Variants in ACTR3B observed in about 807,000 individuals in gnomAD.
ACTR3B encodes actin related protein 3B, also known as actin-related protein 3B.
Under a neutral mutation model 59.0 loss-of-function variants are expected in ACTR3B, and 8 were observed. The observed-to-expected ratio is 0.14, with a 90% CI of 0.08 to 0.24. ACTR3B has a LOEUF of 0.24. Ranked by LOEUF, ACTR3B falls within the 10% of genes least tolerant of loss-of-function variation. ACTR3B has a pLI of 1.00. For missense variants in ACTR3B, 245 were observed against 552.3 expected, an observed-to-expected ratio of 0.44 and a Z score of 5.58; for synonymous variants, 148 against 197.9, an observed-to-expected ratio of 0.75 and a Z score of 2.12.
chr7:152,816,517 C>G lies in ACTR3B; in HGVS notation c.469C>G (p.Gln157Glu). 1.2e-6 allele frequency: 2 copies of G among 1,605,842 alleles called. No individual in the cohort carries two copies. The highest frequency in any genetic ancestry group is 2.2e-5 in the South Asian group (2 of 89,258). ...LALAASWTSR[Q>E]VGERTLTGIV... ...CTTGGCGGCATCTTGGACATCTCGA[C>G]AAGTGGGTGAACGTACGTTAACGGG... Residue 157 changes from glutamine (Q) to glutamate (E), a missense_variant, in exon 6 of 12, where the codon CAA becomes GAA. By Grantham distance (29) the Gln-to-Glu change is conservative (BLOSUM62 2). Coordinates refer to ENST00000256001, the MANE Select transcript of ACTR3B (RefSeq NM_020445.6).
chr7:152,812,200 T>G (rs1795318653), intron 4 of ACTR3B: 1 of 95,772 alleles, frequency 1.0e-5, no homozygotes, highest in African/African-American at 2.9e-5. Flanking sequence ...CTGGCTAATT[T>G]TTGTATTTTT....
intron 2 of ACTR3B, among the ~76,000 whole-genome samples, chr7:152,796,883 T>G (rs1178160020): frequency 0.017 from 2,099 of 123,064 alleles, 58 homozygotes; most frequent in African/African-American, 0.04. Flanking sequence ...TTTTTTTTTT[T>G]TTTTTTTTTT....
At chr7:152,776,940 A>G (rs1016527580) in intron 1 of ACTR3B, among the ~76,000 whole-genome samples, 1 of 152,228 alleles carries the variant, frequency 6.6e-6, no homozygotes, top group African/African-American at 2.4e-5. Context: ...TGGATGTAAT[A>G]TAATTTATTT....
At chr7:152,774,439 ATT>A (rs11351793) in intron 1 of ACTR3B, among the ~76,000 whole-genome samples, 10 of 148,712 alleles carry the variant, frequency 6.7e-5, no homozygotes, top group Non-Finnish European at 8.9e-5. Context: ...CCTGGCCTAC[ATT>A]TTTTTTTTTT....
intron 1 of ACTR3B, among the ~76,000 whole-genome samples, chr7:152,777,541 A>G: frequency 6.6e-6 from 1 of 152,216 alleles, no homozygotes. Context: ...ATTGTTAGAC[A>G]GGGTAGTTGT....
chr7:152,808,817 C>G (rs576883041), intron 4 of ACTR3B, among the ~76,000 whole-genome samples: 1 of 152,190 alleles, frequency 6.6e-6, no homozygotes, highest in Non-Finnish European at 1.5e-5. Flanking sequence ...TTGAGTACTT[C>G]TATGTGCCCA....
chr7:152,791,848 C>T (rs2098197505), intron 2 of ACTR3B, among the ~76,000 whole-genome samples: 6 of 152,300 alleles, frequency 3.9e-5, no homozygotes, highest in Admixed American at 2.6e-4. Context: ...GACAGTAGTA[C>T]ATCATACACT....
rs568345616 is a variant in ACTR3B, at chr7:152,854,411, T to C, written c.1162-47T>C. 1 of 1,574,692 alleles carries C rather than the reference T, an allele frequency of 6.4e-7. No homozygotes were observed. Among genetic ancestry groups the C allele is most frequent in the Non-Finnish European group, 8.7e-7 (1 of 1,144,418 alleles). ...CTGCTTGGTAGCTGGTTCCCTTGAC[T>C]TTCTTCTGAAATGAGTGTCTTTCTG... is the stretch of plus-strand genomic sequence containing the variant. On this transcript the variant is annotated intron_variant, in intron 11 of 11. Coordinates refer to ENST00000256001, the MANE Select transcript of ACTR3B (RefSeq NM_020445.6). This position sits in a 1 kb window ranked among gnomAD's most constrained non-coding sequence, Gnocchi z 4.9.
At chr7:152,848,243 C>A (rs1563157800) in intron 9 of ACTR3B, among the ~76,000 whole-genome samples, 1 of 152,186 alleles carries the variant, frequency 6.6e-6, no homozygotes, top group Non-Finnish European at 1.5e-5. Flanking sequence ...GGGAACCTGG[C>A]CCTGTGGCCC....
chr7:152,841,918 A>G (rs1220490578), intron 9 of ACTR3B, among the ~76,000 whole-genome samples: 1 of 152,238 alleles, frequency 6.6e-6, no homozygotes, highest in Non-Finnish European at 1.5e-5. Context: ...GTAGAGTCAA[A>G]TGAACCATTT....
At chr7:152,810,231 C>T (rs1338062273) in intron 4 of ACTR3B, among the ~76,000 whole-genome samples, 1 of 151,954 alleles carries the variant, frequency 6.6e-6, no homozygotes. Flanking sequence ...CTCAGCCACC[C>T]GACTGGCTGG....
rs1036900070 is a variant in ACTR3B, at chr7:152,839,081, C to T, written c.952-13045C>T. Among the ~76,000 whole-genome samples, 10 of 150,904 alleles carry T rather than the reference C, an allele frequency of 6.6e-5. 1 individual carries two copies. The highest frequency in any genetic ancestry group is 1.3e-4 in the Admixed American group (2 of 15,160). On this transcript the variant is annotated intron_variant, in intron 9 of 11. Transcript: ENST00000256001. The stretch of plus-strand genomic sequence containing the variant: ...TTGGGACATGTGATGGGCAGCTAGA[C>T]GGTGAGCAGTGCCAAGGAAAGAGAG...
At chr7:152,821,750 G>C (rs1356302207) in intron 7 of ACTR3B, among the ~76,000 whole-genome samples, 1 of 152,216 alleles carries the variant, frequency 6.6e-6, no homozygotes, top group Non-Finnish European at 1.5e-5. Context: ...AGCTGCCCTG[G>C]CCCTGCTGTG....
chr7:152,797,374 C>T (rs1340775089), intron 2 of ACTR3B, among the ~76,000 whole-genome samples: 1 of 152,166 alleles, frequency 6.6e-6, no homozygotes, highest in Non-Finnish European at 1.5e-5. Flanking sequence ...AGCCATGAGC[C>T]ACCACAGCTG....
At chr7:152,816,075 T>C (rs1795669108) in intron 5 of ACTR3B, among the ~76,000 whole-genome samples, 1 of 152,092 alleles carries the variant, frequency 6.6e-6, no homozygotes, top group East Asian at 1.9e-4. Flanking sequence ...GTCTCCCGAG[T>C]AGCTGGGAGT....
chr7:152,807,389 A>G (rs1329264625), intron 4 of ACTR3B, among the ~76,000 whole-genome samples: 1 of 151,842 alleles, frequency 6.6e-6, no homozygotes, highest in African/African-American at 2.4e-5. Flanking sequence ...TTATTTTAAC[A>G]GCTATATGAT....
chr7:152,853,530 A>G lies in ACTR3B; in HGVS notation c.1114A>G (p.Met372Val), dbSNP rs1193347794. 1 of 1,612,190 alleles carries G rather than the reference A, an allele frequency of 6.2e-7. No individual in the cohort carries two copies. The highest frequency in any genetic ancestry group is 1.7e-5 in the Admixed American group (1 of 59,898). The change falls in exon 11 of 12, where the codon ATG becomes GTG. Residue 372 changes from methionine to valine, a missense_variant. This residue lies in a region of ACTR3B where 153 missense variants were observed against 266.2 expected (regional missense o/e 0.57). Transcript: ENST00000256001. ...PVEVQVVTHH[M>V]QRYAVWFGGS... ...GGAGGTCCAGGTGGTCACGCATCAC[A>G]TGCAGCGCTACGCCGTGTGGTTCGG...
chr7:152,821,854 G>T (rs1796193798), intron 7 of ACTR3B, among the ~76,000 whole-genome samples: 1 of 152,178 alleles, frequency 6.6e-6, no homozygotes, highest in South Asian at 2.1e-4. Context: ...TCCCCTTACT[G>T]CCATGGCCTT....
At chr7:152,780,888 C>T (rs544125439) in intron 1 of ACTR3B, among the ~76,000 whole-genome samples, 58 of 149,158 alleles carry the variant, frequency 3.9e-4, no homozygotes, top group African/African-American at 1.3e-3. Context: ...CTCTGTCACC[C>T]GGGCTACAGG....
Sources: allele counts gnomAD v4.1 joint callset (sites outside exome capture counted in the v4.1 genomes callset), GRCh38; gene constraint gnomAD v4.1.1; regional missense constraint gnomAD v4.1.1; non-coding constraint Gnocchi (gnomAD v3.1); transcripts MANE v1.5; gene names NCBI Gene and HGNC (gene_info 2026-07-23, HGNC 2026-07-21).